The following SENP1 variants were observed in gnomAD, a reference collection of about 807,000 sequenced individuals.
The protein encoded by SENP1 is sentrin-specific protease 1.
Under a neutral mutation model 93.0 loss-of-function variants are expected in SENP1, and 21 were observed. The ratio of observed to expected loss-of-function variants is 0.23; its 90% CI spans 0.16 to 0.33. SENP1 has a LOEUF of 0.33. Among genes scored for constraint, SENP1 ranks in the 10% least tolerant of loss-of-function variants. SENP1 has a pLI of 1.00. For synonymous variants in SENP1, 256 were observed against 259.6 expected (o/e 0.99, Z 0.13); for missense variants, 591 against 758.7 (o/e 0.78, Z 2.60).
intron 8 of SENP1, among the ~76,000 whole-genome samples, chr12:48,072,387 G>T (rs890298841): frequency 6.6e-6 from 1 of 152,086 alleles, no homozygotes; most frequent in Non-Finnish European, 1.5e-5. Context: ...GGCAATTCAG[G>T]TATGCCAAAG....
At chr12:48,084,522 C>A (rs1944711691) in intron 5 of SENP1, among the ~76,000 whole-genome samples, 1 of 142,150 alleles carries the variant, frequency 7.0e-6, no homozygotes, top group Non-Finnish European at 1.5e-5. Flanking sequence ...GACCTTGGCT[C>A]ACAGCAACCT....
chr12:48,105,927 C>T, intron 1 of SENP1, 101 bp downstream of exon 1: 1 of 671,828 alleles, frequency 1.5e-6, no homozygotes. Flanking sequence ...CTCCCCGCTT[C>T]CGCCCAGTCC....
chr12:48,083,542 T>C, intron 6 of SENP1, 49 bp downstream of exon 6: 2 of 1,501,218 alleles, frequency 1.3e-6, no homozygotes, highest in African/African-American at 1.4e-5. Flanking sequence ...TGGCTCAATG[T>C]AGGGAAAGAT....
intron 13 of SENP1, among the ~76,000 whole-genome samples, chr12:48,053,758 T>C (rs1565738021): frequency 1.3e-5 from 2 of 152,322 alleles, no homozygotes; most frequent in South Asian, 2.1e-4. Context: ...CAGTCTGCTA[T>C]GTAGATTCTA....
chr12:48,089,330 T>TG, intron 4 of SENP1: 3 of 1,343,008 alleles, frequency 2.2e-6, no homozygotes, highest in South Asian at 2.4e-5. Context: ...AGAAAGCAGG[T>TG]GGGGGGCCAG....
At chr12:48,049,596 A>C (rs572089832) in intron 13 of SENP1, among the ~76,000 whole-genome samples, 1 of 152,342 alleles carries the variant, frequency 6.6e-6, no homozygotes, top group East Asian at 1.9e-4. Flanking sequence ...TCAAGAACTC[A>C]AATTTTATAT....
intron 13 of SENP1, among the ~76,000 whole-genome samples, chr12:48,059,401 T>G (rs2136916028): frequency 6.6e-6 from 1 of 152,304 alleles, no homozygotes; most frequent in Admixed American, 6.5e-5. Context: ...TATTTTTATT[T>G]CAGATATATT....
chr12:48,047,117 C>A, intron 15 of SENP1, 55 bp from the exon 16 acceptor site: 1 of 1,103,884 alleles, frequency 9.1e-7, no homozygotes, highest in Non-Finnish European at 1.4e-6. Context: ...ATGACAGCTG[C>A]CACACTAAGA....
chr12:48,093,349 T>C (rs1945338676), intron 4 of SENP1, among the ~76,000 whole-genome samples: 1 of 147,092 alleles, frequency 6.8e-6, no homozygotes, highest in Admixed American at 7.1e-5. Context: ...AGTGGCGCGA[T>C]CTCCGCTCAC....
chr12:48,088,599 G>A (rs1945035927), intron 5 of SENP1: 1 of 555,758 alleles, frequency 1.8e-6, no homozygotes, highest in African/African-American at 1.9e-5. Flanking sequence ...CTCTCTTCTA[G>A]TAAGATCTGG....
Position 48,063,693 on chromosome 12 carries a change from A to G in SENP1, c.1407+17T>C. 1.9e-6 allele frequency: 3 copies of G among 1,600,112 alleles called. No individual in the cohort carries two copies. The highest frequency in any genetic ancestry group is 2.6e-6 in the Non-Finnish European group (3 of 1,172,230). Reference sequence around the variant, plus strand: ...TTAATGTTTACTATTTGTATGTAAAAATAGATGCAACATTACCTCATCATT... The same window carrying G: ...TTAATGTTTACTATTTGTATGTAAAGATAGATGCAACATTACCTCATCATT... On this transcript the variant is annotated intron_variant, in intron 13 of 17. Coordinates refer to ENST00000549518, the MANE Select transcript of SENP1 (RefSeq NM_001267594.2).
At chr12:48,071,847 G>A in intron 8 of SENP1, 126 bp from the exon 9 acceptor site, 1 of 606,428 alleles carries the variant, frequency 1.6e-6, no homozygotes. Context: ...AAGAACAAAG[G>A]TTAGATGGGA....
At chr12:48,091,754 C>T (rs1412547223) in intron 4 of SENP1, among the ~76,000 whole-genome samples, 1 of 152,116 alleles carries the variant, frequency 6.6e-6, no homozygotes, top group Non-Finnish European at 1.5e-5. Context: ...TCATGGCTCA[C>T]TGCAGCCTTG....
intron 2 of SENP1, among the ~76,000 whole-genome samples, chr12:48,101,268 A>T (rs533598227): frequency 6.6e-6 from 1 of 152,392 alleles, no homozygotes; most frequent in Non-Finnish European, 1.5e-5. Flanking sequence ...CCTGGGTGAC[A>T]GAGCAAGACT....
rs1308451938 is a variant in SENP1 at position 48,074,753 on chromosome 12, A to T, written c.593T>A (p.Leu198Gln). Residue 198 changes from leucine to glutamine, a missense_variant, in exon 7 of 18, where the codon CTA (leucine) becomes CAA (glutamine). This residue lies in a region of SENP1 where 214 missense variants were observed against 243.4 expected (regional missense o/e 0.88). Coordinates refer to ENST00000549518, the MANE Select transcript of SENP1 (RefSeq NM_001267594.2). ...AAACTGTTTCCCTGTGACCATCTGT[A>T]GCAGCTGTCTGTAAATCTCTCTTTC... ...EEEREIYRQL[L>Q]QMVTGKQFTI... The T allele has an allele frequency of 6.2e-7, 1 of 1,613,242 alleles. No individual in the cohort carries two copies.
In SENP1 at chr12:48,098,124, T is replaced by A. The variant is rs1180467858; in HGVS notation, c.5A>T (p.Asp2Val). M[D>V]DIADRMRMDA... Reference sequence around the variant, plus strand: ...CATCCTCATCCTATCAGCAATATCATCTGGGGAGACAGTCTGGATTAGTTC... The same window carrying A: ...CATCCTCATCCTATCAGCAATATCAACTGGGGAGACAGTCTGGATTAGTTC... Residue 2 changes from aspartate to valine, a missense_variant and splice_region_variant, in exon 3 of 18, where the codon GAT becomes GTT. Asp to Val is a radical substitution (Grantham distance 152). This residue lies in a region of SENP1 where 214 missense variants were observed against 243.4 expected (regional missense o/e 0.88). Transcript: ENST00000549518. The A allele has an allele frequency of 1.2e-6, 2 of 1,613,078 alleles. No homozygotes were observed. Among genetic ancestry groups the A allele is most frequent in the East Asian group, 2.2e-5 (1 of 44,878 alleles).
At chr12:48,105,985 C>T (rs1402210071) in intron 1 of SENP1, 43 bp downstream of exon 1, 2 of 700,132 alleles carry the variant, frequency 2.9e-6, no homozygotes, top group African/African-American at 1.7e-5. Flanking sequence ...GGACCAGGCT[C>T]CCTCCATCCT....
At chr12:48,076,150 A>C (rs1379704910) in intron 6 of SENP1, among the ~76,000 whole-genome samples, 1 of 152,236 alleles carries the variant, frequency 6.6e-6, no homozygotes, top group Non-Finnish European at 1.5e-5. Flanking sequence ...TGCCCTGGCA[A>C]TTTATTTTTA....
chr12:48,105,937 C>A, intron 1 of SENP1, 91 bp downstream of exon 1: 1 of 687,278 alleles, frequency 1.5e-6, no homozygotes, highest in Non-Finnish European at 2.7e-6. Flanking sequence ...CCGCCCAGTC[C>A]AGCCCGGGCC....
Sources: allele counts gnomAD v4.1 joint callset (sites outside exome capture counted in the v4.1 genomes callset), GRCh38; gene constraint gnomAD v4.1.1; regional missense constraint gnomAD v4.1.1; transcripts MANE v1.5; gene names NCBI Gene and HGNC (gene_info 2026-07-23, HGNC 2026-07-21).